IGSF22: variants seen among roughly 807,000 people sequenced by gnomAD.
IGSF22 encodes immunoglobulin superfamily, member 22.
IGSF22 carries 119 observed loss-of-function variants against 127.0 expected under a neutral mutation model. The observed-to-expected ratio is 0.94, with a 90% CI of 0.81 to 1.09. The LOEUF (loss-of-function observed/expected upper bound fraction) is 1.09, where lower values mean the gene tolerates loss of function less well. IGSF22 is among the 50% of genes least tolerant of loss of function. The probability of loss-of-function intolerance (pLI) is 0.00; values close to 1 mark genes in which losing one functional copy is unlikely to be tolerated. For missense variants in IGSF22, 1,518 were observed against 1,716.6 expected (o/e 0.88, Z 2.04); for synonymous variants, 568 against 664.7 (o/e 0.85, Z 2.24).
In IGSF22 at chr11:18,724,193, G is replaced by C. The variant is rs566310156; in HGVS notation, c.44C>G (p.Ser15Cys). The change falls in exon 2 of 23, where the codon TCC (serine) becomes TGC (cysteine). Residue 15 changes from serine to cysteine, a missense_variant. Around this residue, in one of 3 missense-constraint regions of IGSF22, gnomAD observed 1,456 missense variants for 1,644.9 expected, o/e 0.89. Coordinates refer to ENST00000513874, the MANE Select transcript of IGSF22 (RefSeq NM_173588.4). Reference protein sequence around the residue: ...HSRQMLQEHVSMEFSSSTTHV... With the variant: ...HSRQMLQEHVCMEFSSSTTHV... ...GGTGGTGGAGCTGGAGAACTCCATG[G>C]ACACGTGCTCCTGCAGCATCTGCCG... 18 of 1,613,984 alleles carry C rather than the reference G, an allele frequency of 1.1e-5. No homozygotes were observed. The Admixed American group carries it at 1.3e-4, about 12-fold the overall frequency.
rs1329351420 is a variant in IGSF22 at position 18,706,912 on chromosome 11, A to G, written c.3580+2T>C. 2 of 1,489,492 alleles carry G rather than the reference A, an allele frequency of 1.3e-6. No individual in the cohort carries two copies. Among genetic ancestry groups the G allele is most frequent in the Non-Finnish European group, 1.8e-6 (2 of 1,113,012 alleles). 92.3% of individuals were successfully genotyped at this position (1,489,492 alleles called of 1,614,324 possible). The stretch of plus-strand genomic sequence containing the variant: ...AACCCTAACTGCAAGTCCCAGACTC[A>G]CTCTGGTCCTTATTGATGAGCCAGG... On this transcript the variant is annotated splice_donor_variant, in intron 21 of 22. Coordinates refer to ENST00000513874, the MANE Select transcript of IGSF22 (RefSeq NM_173588.4). LOFTEE classifies it high-confidence loss of function.
At chr11:18,715,402 G>A (rs200022222) in intron 11 of IGSF22, 30 bp downstream of exon 11, 1,089 of 1,590,766 alleles carry the variant, frequency 6.8e-4, no homozygotes, top group Non-Finnish European at 9.0e-4. Flanking sequence ...AGGGGGATTG[G>A]TCAGTGGGGA....
Position 18,718,003 on chromosome 11 carries a change from T to G in IGSF22, c.901A>C (p.Asn301His). 6.2e-6 allele frequency: 10 copies of G among 1,614,222 alleles called. No individual in the cohort carries two copies. Among genetic ancestry groups the G allele is most frequent in the Non-Finnish European group, 8.5e-6 (10 of 1,180,038 alleles). Reference sequence around the variant, plus strand: ...CTGTAGATGCCAGCATCGTTCATGTTCACGTTGCTAATAACCAGCATGTAC... The same window carrying G: ...CTGTAGATGCCAGCATCGTTCATGTGCACGTTGCTAATAACCAGCATGTAC... ...TKYMLVISNV[N>H]MNDAGIYSLS... Residue 301 changes from asparagine (N) to histidine (H), a missense_variant, in exon 9 of 23, where the codon AAC becomes CAC. Coordinates refer to ENST00000513874, the MANE Select transcript of IGSF22 (RefSeq NM_173588.4).
rs1407519146 is a variant in IGSF22 at position 18,705,879 on chromosome 11, T to G, written c.3848A>C (p.Tyr1283Ser). 45 of 1,551,514 alleles carry G rather than the reference T, an allele frequency of 2.9e-5. No individual in the cohort carries two copies. The highest frequency in any genetic ancestry group is 3.6e-5 in the Non-Finnish European group (41 of 1,146,964). ...PTCTLKDSGD[Y>S]SVLVENELGK... Reference sequence around the variant, plus strand: ...CAGCTCGTTCTCCACCAGCACGCTGTAATCGCCGCTGTCCTTGAGCGTGCA... The same window carrying G: ...CAGCTCGTTCTCCACCAGCACGCTGGAATCGCCGCTGTCCTTGAGCGTGCA... The change falls in exon 22 of 23, where the codon TAC (tyrosine) becomes TCC (serine). Residue 1283 changes from tyrosine (Y) to serine (S), a missense_variant. By Grantham distance (144) the Tyr-to-Ser change is moderately radical. Transcript: ENST00000513874.
chr11:18,705,929 G>A lies in IGSF22; in HGVS notation c.3798C>T (p.Gly1266=), dbSNP rs766953015. ...AGGTGGGGATGACGAGGGTGCACAC[G>A]CCGCTGGTGGAGTTGTACCAGAACT... ...NSKFWYNSTS[G]VCTLVIPTCT... The change falls in exon 22 of 23, where the codon GGC becomes GGT. Residue 1266 remains glycine (G), a synonymous_variant. Coordinates refer to ENST00000513874, the MANE Select transcript of IGSF22 (RefSeq NM_173588.4). 203 of 1,551,596 alleles carry A rather than the reference G, an allele frequency of 1.3e-4. No homozygotes were observed. The highest frequency in any genetic ancestry group is 1.7e-4 in the Non-Finnish European group (196 of 1,146,994).
intron 3 of IGSF22, 60 bp downstream of exon 3, chr11:18,721,849 TG>T (rs66751057): frequency 5.0e-6 from 8 of 1,602,616 alleles, no homozygotes; most frequent in South Asian, 3.3e-5. Flanking sequence ...GGACGGAGGG[TG>T]GGGGCACTCG....
In IGSF22 at chr11:18,709,306, T is replaced by C; in HGVS notation, c.2998+81A>G. ...TCATGATCCTAGCATCATCCAATTT[T>C]CCTGTGGGATGAGGCCCCAGAGGAG... On this transcript the variant is annotated intron_variant, in intron 18 of 22. Transcript: ENST00000513874. The surrounding 1 kb of genome is among the most constrained non-coding windows in gnomAD (Gnocchi z 4.8). 1 of 1,420,320 alleles carries C rather than the reference T, an allele frequency of 7.0e-7. No individual in the cohort carries two copies. The allele number at this position is 1,420,320 out of a possible 1,614,324, so 88.0% of individuals were successfully genotyped here.
rs376496514 is a variant in IGSF22, at chr11:18,715,423, G to C, written c.1531+9C>G. 6.2e-7 allele frequency: 1 copy of C among 1,602,498 alleles called. No individual in the cohort carries two copies. Among genetic ancestry groups the C allele is most frequent in the African/African-American group, 1.3e-5 (1 of 74,818 alleles). ...ATTGGTCAGTGGGGATTGATAGGGC[G>C]GGTGTTACCCTCCACAGTGACGATG... On this transcript the variant is annotated intron_variant, in intron 11 of 22. Transcript: ENST00000513874.
chr11:18,714,889 G>A (rs1848431646), intron 11 of IGSF22, among the ~76,000 whole-genome samples: 1 of 152,174 alleles, frequency 6.6e-6, no homozygotes, highest in South Asian at 2.1e-4. Context: ...GAGATGGCTA[G>A]TGGGGAATTG....
Position 18,714,514 on chromosome 11 carries a change from T to G in IGSF22, c.1642A>C (p.Lys548Gln), listed in dbSNP as rs1345427355. The part of the protein sequence containing the change: ...NDEKVEGVWL[K>Q]DGKEITDLPG... ...CTGCTTCAGACCTCCTTGCCATCCT[T>G]CAGCCACACACCCTCCACCTTCTCG... The change falls in exon 12 of 23, where the codon AAG becomes CAG. Residue 548 changes from lysine to glutamine, a missense_variant. By Grantham distance (53) the Lys-to-Gln change is moderately conservative (BLOSUM62 1). Around this residue, in one of 3 missense-constraint regions of IGSF22, gnomAD observed 1,456 missense variants for 1,644.9 expected, o/e 0.89. Coordinates refer to ENST00000513874, the MANE Select transcript of IGSF22 (RefSeq NM_173588.4). The G allele has an allele frequency of 4.3e-6, 7 of 1,614,176 alleles. No homozygotes were observed. The highest frequency in any genetic ancestry group is 5.9e-6 in the Non-Finnish European group (7 of 1,180,032).
chr11:18,714,292 A>G lies in IGSF22; in HGVS notation c.1783T>C (p.Ser595Pro), dbSNP rs372827581. The G allele has an allele frequency of 6.5e-5, 105 of 1,613,590 alleles. No homozygotes were observed. Among genetic ancestry groups the G allele is most frequent in the Non-Finnish European group, 7.9e-5 (93 of 1,179,850 alleles). The change falls in exon 13 of 23, where the codon TCT (serine) becomes CCT (proline). Residue 595 changes from serine to proline, a missense_variant. By Grantham distance (74) the Ser-to-Pro change is moderately conservative. Transcript: ENST00000513874. ...FRAKGTESEA[S>P]VFIADPPTID... ...AGATCCATACCTGCGATGAATACAG[A>G]GGCTTCACTTTCCGTGCCCTTGGCC...
chr11:18,716,405 C>A lies in IGSF22; in HGVS notation c.1246+323G>T, dbSNP rs4261259. ...TTGTGATAGCAGAATGTAAGTAGTC[C>A]AGAGTGACACAGATGTGCTGTAATA... is the stretch of plus-strand genomic sequence containing the variant. On this transcript the variant is annotated intron_variant, in intron 10 of 22. Coordinates refer to ENST00000513874, the MANE Select transcript of IGSF22 (RefSeq NM_173588.4). The surrounding 1 kb of genome is among the most constrained non-coding windows in gnomAD (Gnocchi z 4.5). Among the ~76,000 whole-genome samples, 115,657 of 152,112 alleles carry A rather than the reference C, an allele frequency of 0.76. 44,156 individuals are homozygous for A. Among genetic ancestry groups the A allele is most frequent in the East Asian group, 0.82 (4,220 of 5,174 alleles).
chr11:18,707,852 G>A lies in IGSF22; in HGVS notation c.3232C>T (p.Gln1078Ter). Reference protein sequence around the residue: ...SDSGVYRILLQNEFGEARYDI... With the variant: ...SDSGVYRILL ...TAGCGTGCTTCTCCAAACTCATTCT[G>A]AAGCAAGATTCGGTACACCCCTGAG... The change falls in exon 20 of 23, where the codon CAG (glutamine) becomes TAG (stop). Residue 1078 changes from glutamine to a stop codon, truncating the protein, a stop_gained. Coordinates refer to ENST00000513874, the MANE Select transcript of IGSF22 (RefSeq NM_173588.4). LOFTEE classifies it high-confidence loss of function. The A allele has an allele frequency of 6.2e-7, 1 of 1,613,330 alleles. No homozygotes were observed. Among genetic ancestry groups the A allele is most frequent in the Non-Finnish European group, 8.5e-7 (1 of 1,179,648 alleles).
Position 18,714,075 on chromosome 11 carries a change from C to G in IGSF22, c.1872G>C (p.Thr624=). The G allele has an allele frequency of 6.2e-7, 1 of 1,614,240 alleles. No homozygotes were observed. The highest frequency in any genetic ancestry group is 8.5e-7 in the Non-Finnish European group (1 of 1,180,042). The change falls in exon 14 of 23, where the codon ACG becomes ACC. Residue 624 remains threonine, a synonymous_variant. Coordinates refer to ENST00000513874, the MANE Select transcript of IGSF22 (RefSeq NM_173588.4). ...CCCGGAAGGGGACCTTGATGTGGGC[C>G]GTGTGGCCTACCTTCACAGTGATGG... is the stretch of plus-strand genomic sequence containing the variant. ...AHAITVKVGH[T]AHIKVPFRGK... is the part of the protein sequence containing the mutation.
At chr11:18,725,375 G>C (rs191056923) in intron 1 of IGSF22, among the ~76,000 whole-genome samples, 219 of 152,246 alleles carry the variant, frequency 1.4e-3, no homozygotes, top group South Asian at 4.8e-3. Context: ...TGATCCGCCT[G>C]CCTTGGCCTC....
intron 1 of IGSF22, among the ~76,000 whole-genome samples, chr11:18,724,671 G>T (rs1262300096): frequency 6.6e-6 from 1 of 152,188 alleles, no homozygotes; most frequent in African/African-American, 2.4e-5. Context: ...ACTGGAGTGG[G>T]CTTTAGAAGG....
intron 5 of IGSF22, 37 bp downstream of exon 5, chr11:18,720,149 C>T (rs1487052052): frequency 6.2e-7 from 1 of 1,613,876 alleles, no homozygotes. Context: ...GAGTCTGGTC[C>T]CTAAGAAGAA....
At chr11:18,725,055 T>C (rs1204974572) in intron 1 of IGSF22, among the ~76,000 whole-genome samples, 2 of 152,086 alleles carry the variant, frequency 1.3e-5, no homozygotes, top group African/African-American at 4.8e-5. Context: ...ATACACACTA[T>C]TCTGACCCTT....
In IGSF22 at chr11:18,724,196, A is replaced by C; in HGVS notation, c.41T>G (p.Val14Gly). 6.2e-7 allele frequency: 1 copy of C among 1,614,016 alleles called. No homozygotes were observed. Among genetic ancestry groups the C allele is most frequent in the Non-Finnish European group, 8.5e-7 (1 of 1,179,904 alleles). Residue 14 changes from valine to glycine, a missense_variant, in exon 2 of 23, where the codon GTG becomes GGG. Coordinates refer to ENST00000513874, the MANE Select transcript of IGSF22 (RefSeq NM_173588.4). ...GGTGGAGCTGGAGAACTCCATGGAC[A>C]CGTGCTCCTGCAGCATCTGCCGGCT... is the stretch of plus-strand genomic sequence containing the variant. ...IHSRQMLQEH[V>G]SMEFSSSTTH...
Sources: allele counts gnomAD v4.1 joint callset (sites outside exome capture counted in the v4.1 genomes callset), GRCh38; gene constraint gnomAD v4.1.1; regional missense constraint gnomAD v4.1.1; non-coding constraint Gnocchi (gnomAD v3.1); transcripts MANE v1.5; gene names NCBI Gene and HGNC (gene_info 2026-07-23, HGNC 2026-07-21).